Variants in FOXP1 observed in about 807,000 individuals in gnomAD.
FOXP1 encodes the protein forkhead box P1, also known as forkhead box protein P1.
Under a neutral mutation model 98.2 loss-of-function variants are expected in FOXP1, and 15 were observed. That is an observed-to-expected ratio of 0.15 (90% CI 0.10 to 0.24). FOXP1 has a LOEUF of 0.24. Among genes scored for constraint, FOXP1 ranks in the 10% least tolerant of loss-of-function variants. The pLI is 1.00. For missense variants in FOXP1, 633 were observed against 848.5 expected (o/e 0.75, Z 3.15); for synonymous variants, 371 against 314.5 (o/e 1.18, Z -1.90).
chr3:71,505,613 G>T (rs945966613), intron 2 of FOXP1, among the ~76,000 whole-genome samples: 1 of 152,054 alleles, frequency 6.6e-6, no homozygotes, highest in Admixed American at 6.5e-5. Flanking sequence ...TTTTAGTAGA[G>T]ACAGGGTTTC....
chr3:71,143,981 AT>A (rs1195808817), intron 6 of FOXP1, among the ~76,000 whole-genome samples: 1 of 152,172 alleles, frequency 6.6e-6, no homozygotes, highest in Non-Finnish European at 1.5e-5. Context: ...CTAACCTCTG[AT>A]GAAAAAGAAA....
intron 5 of FOXP1, among the ~76,000 whole-genome samples, chr3:71,267,569 A>G (rs2069822462): frequency 6.6e-6 from 1 of 152,242 alleles, no homozygotes; most frequent in Non-Finnish European, 1.5e-5. Flanking sequence ...GGACAAGGTC[A>G]TGGAGCTAAA....
At position 71,288,935 on chromosome 3, in the gene FOXP1, C is replaced by A. The variant is rs552835216; in HGVS notation, c.-12+10885G>T. 1.4e-4 allele frequency among the ~76,000 whole-genome samples: 21 copies of A among 152,306 alleles called. No individual in the cohort carries two copies. In the East Asian group the frequency reaches 3.9e-3, roughly 28 times the overall value. ...TCTTACTAAGGTCATCAATGACTTC[C>A]ATATTGACAAATCCAATGGTCAGTT... On this transcript the variant is annotated intron_variant, in intron 5 of 20. Coordinates refer to ENST00000649528, the MANE Select transcript of FOXP1 (RefSeq NM_001349338.3).
intron 14 of FOXP1, among the ~76,000 whole-genome samples, chr3:70,982,598 A>T (rs1248947337): frequency 6.6e-6 from 1 of 151,946 alleles, no homozygotes; most frequent in Non-Finnish European, 1.5e-5. Flanking sequence ...GTAGGGTTTT[A>T]TTTTTTAAAT....
At chr3:71,492,485 C>T (rs981077751) in intron 3 of FOXP1, among the ~76,000 whole-genome samples, 2 of 151,852 alleles carry the variant, frequency 1.3e-5, no homozygotes, top group Non-Finnish European at 2.9e-5. Flanking sequence ...AAAGAGAGAG[C>T]CTAATTTGCC....
At chr3:71,509,315 G>T (rs887254759) in intron 2 of FOXP1, among the ~76,000 whole-genome samples, 1 of 152,164 alleles carries the variant, frequency 6.6e-6, no homozygotes, top group Non-Finnish European at 1.5e-5. Flanking sequence ...GGTATCCACA[G>T]GGTGGGTTTC....
At chr3:71,316,192 C>T (rs1576935899) in intron 4 of FOXP1, among the ~76,000 whole-genome samples, 1 of 152,088 alleles carries the variant, frequency 6.6e-6, no homozygotes, top group Non-Finnish European at 1.5e-5. Flanking sequence ...ACAGACGGGT[C>T]GCCTGAACAA....
At chr3:71,162,564 T>G (rs149819103) in intron 6 of FOXP1, among the ~76,000 whole-genome samples, 52 of 152,302 alleles carry the variant, frequency 3.4e-4, no homozygotes, top group African/African-American at 1.3e-3. Flanking sequence ...ACCAAGGATA[T>G]AGCAGAGAAC....
chr3:71,521,799 C>A (rs1346540972), intron 2 of FOXP1, among the ~76,000 whole-genome samples: 2 of 152,146 alleles, frequency 1.3e-5, no homozygotes, highest in East Asian at 3.9e-4. Context: ...ACAGCAACAA[C>A]AGGGTGAGGC....
intron 3 of FOXP1, among the ~76,000 whole-genome samples, chr3:71,483,377 C>A (rs147194597): frequency 6.6e-6 from 1 of 152,102 alleles, no homozygotes; most frequent in African/African-American, 2.4e-5. Flanking sequence ...AGCAAGTGAG[C>A]GAGCAGAAAC....
rs556216449 is a variant in FOXP1, at chr3:71,384,637, T to G, written c.-167-25393A>C. Among the ~76,000 whole-genome samples, 42 of 152,342 alleles carry G rather than the reference T, an allele frequency of 2.8e-4. No individual in the cohort carries two copies. In the South Asian group the frequency reaches 8.7e-3, roughly 32 times the overall value. On this transcript the variant is annotated intron_variant, in intron 3 of 20. Coordinates refer to ENST00000649528, the MANE Select transcript of FOXP1 (RefSeq NM_001349338.3). ...TGTGAACGACATTCTGAGTTGACAC[T>G]GGTATGAGGACCTGCAGCATCTTAT...
chr3:71,271,886 T>C (rs2070392701), intron 5 of FOXP1, among the ~76,000 whole-genome samples: 1 of 152,236 alleles, frequency 6.6e-6, no homozygotes, highest in African/African-American at 2.4e-5. Context: ...GTCTGAATTG[T>C]TAAAACTGCT....
chr3:70,979,394 T>C (rs12106848), intron 14 of FOXP1, among the ~76,000 whole-genome samples: 3 of 144,658 alleles, frequency 2.1e-5, no homozygotes, highest in Non-Finnish European at 3.0e-5. Flanking sequence ...TTCTTACAAA[T>C]ACTAAAAGGC....
intron 5 of FOXP1, among the ~76,000 whole-genome samples, chr3:71,225,797 T>C (rs1467014616): frequency 6.6e-6 from 1 of 152,116 alleles, no homozygotes; most frequent in African/African-American, 2.4e-5. Flanking sequence ...AGTGGAGACA[T>C]GAACAGAAAC....
Position 71,427,512 on chromosome 3 carries a change from T to C in FOXP1, c.-168+65914A>G, listed in dbSNP as rs575200106. On this transcript the variant is annotated intron_variant, in intron 3 of 20. Transcript: ENST00000649528. ...GGATGCCGGGCTAGGGAGCCTGGGCTCTCTTGTGAAAAAAAGGAGCTACTG... is the reference window on the plus strand; with the variant it reads ...GGATGCCGGGCTAGGGAGCCTGGGCCCTCTTGTGAAAAAAAGGAGCTACTG... 1.1e-4 allele frequency among the ~76,000 whole-genome samples: 17 copies of C among 152,226 alleles called. 1 individual carries two copies. The highest frequency in any genetic ancestry group is 3.6e-4 in the African/African-American group (15 of 41,556).
chr3:71,013,597 G>A (rs2043989364), intron 12 of FOXP1, among the ~76,000 whole-genome samples: 1 of 152,134 alleles, frequency 6.6e-6, no homozygotes, highest in East Asian at 1.9e-4. Context: ...TAGATTCAAT[G>A]CCATCGCCAT....
At chr3:71,082,625 A>C (rs1288981) in intron 7 of FOXP1, among the ~76,000 whole-genome samples, 86,970 of 124,998 alleles carry the variant, frequency 0.7, 29,362 homozygotes, top group Non-Finnish European at 0.8. Flanking sequence ...AAAGTATAAT[A>C]AAATAAAAAA....
At chr3:71,384,955 TTCAA>T (rs2080456956) in intron 3 of FOXP1, among the ~76,000 whole-genome samples, 2 of 152,174 alleles carry the variant, frequency 1.3e-5, no homozygotes, top group Non-Finnish European at 2.9e-5. Flanking sequence ...CTCTCAGCCC[TTCAA>T]TCAACAACAC....
At chr3:71,466,030 C>T (rs2088692147) in intron 3 of FOXP1, among the ~76,000 whole-genome samples, 6 of 152,148 alleles carry the variant, frequency 3.9e-5, no homozygotes. Context: ...GAAACAAGTC[C>T]CCGGTGCCAA....
Sources: gnomAD v4.1 joint callset for allele counts (sites outside exome capture counted in the v4.1 genomes callset) on GRCh38, gnomAD v4.1.1 for gene constraint, MANE v1.5 for transcripts, NCBI Gene and HGNC (gene_info 2026-07-23, HGNC 2026-07-21) for gene names.